TACR3: variants seen among roughly 807,000 people sequenced by gnomAD.
The protein encoded by TACR3 is neuromedin-K receptor.
In TACR3, 34 loss-of-function variants were observed where a neutral mutation model predicts 35.0. That is an observed-to-expected ratio of 0.97 (90% CI 0.74 to 1.30). The LOEUF is 1.30. TACR3 is among the 50% of genes most tolerant of loss of function. The pLI is 0.00. For missense variants in TACR3, 558 were observed against 591.7 expected (o/e 0.94, Z 0.59); for synonymous variants, 233 against 221.1 (o/e 1.05, Z -0.48).
intron 3 of TACR3, among the ~76,000 whole-genome samples, chr4:103,628,186 G>A (rs1724949964): frequency 6.6e-6 from 1 of 152,156 alleles, no homozygotes; most frequent in African/African-American, 2.4e-5. Flanking sequence ...GCCCACAAGA[G>A]AAAGCAGGAA....
chr4:103,658,462 G>C, intron 1 of TACR3, 59 bp from the exon 2 acceptor site: 2 of 1,502,490 alleles, frequency 1.3e-6, no homozygotes, highest in Non-Finnish European at 1.8e-6. Context: ...GTTTGAAATG[G>C]AGTTTCAAAG....
chr4:103,696,493 A>C (rs1722523073), intron 1 of TACR3, among the ~76,000 whole-genome samples: 1 of 152,208 alleles, frequency 6.6e-6, no homozygotes, highest in Non-Finnish European at 1.5e-5. Context: ...GCCATATAAG[A>C]TTATGCAGAG....
At chr4:103,701,988 G>A (rs1232264592) in intron 1 of TACR3, among the ~76,000 whole-genome samples, 18 of 152,174 alleles carry the variant, frequency 1.2e-4, no homozygotes, top group South Asian at 2.1e-4. Context: ...ACATAGGCAC[G>A]GGCAAGGACT....
At chr4:103,654,793 T>C (rs557216846) in intron 3 of TACR3, among the ~76,000 whole-genome samples, 2 of 152,110 alleles carry the variant, frequency 1.3e-5, no homozygotes, top group African/African-American at 2.4e-5. Context: ...CATCAGTCAT[T>C]GACTCTGATG....
intron 1 of TACR3, among the ~76,000 whole-genome samples, chr4:103,696,141 C>T (rs952858937): frequency 2.0e-4 from 31 of 152,006 alleles, no homozygotes; most frequent in African/African-American, 7.5e-4. Flanking sequence ...CTATTGATTA[C>T]CAAACTTAGG....
intron 2 of TACR3, among the ~76,000 whole-genome samples, chr4:103,657,863 A>G (rs1156385275): frequency 6.6e-6 from 1 of 152,126 alleles, no homozygotes; most frequent in Non-Finnish European, 1.5e-5. Flanking sequence ...TTCCTAAAAG[A>G]GCAATCAACA....
chr4:103,676,516 G>A (rs1196921256), intron 1 of TACR3, among the ~76,000 whole-genome samples: 2 of 152,030 alleles, frequency 1.3e-5, no homozygotes, highest in South Asian at 2.1e-4. Context: ...AACAAATATA[G>A]TGTGTTAAAA....
intron 3 of TACR3, among the ~76,000 whole-genome samples, chr4:103,642,875 C>A (rs1725385440): frequency 6.6e-6 from 1 of 151,742 alleles, no homozygotes; most frequent in South Asian, 2.1e-4. Context: ...ATACTAATTA[C>A]CCTAATTAGA....
At chr4:103,606,995 C>T (rs1234176956) in intron 3 of TACR3, among the ~76,000 whole-genome samples, 2 of 152,044 alleles carry the variant, frequency 1.3e-5, no homozygotes, top group Non-Finnish European at 2.9e-5. Context: ...AAATACATCC[C>T]ATCAATACCT....
intron 1 of TACR3, among the ~76,000 whole-genome samples, chr4:103,681,738 AAAT>A (rs1722094544): frequency 6.6e-6 from 1 of 152,100 alleles, no homozygotes; most frequent in Non-Finnish European, 1.5e-5. Flanking sequence ...TAGAAAAACT[AAAT>A]AACTCCACCA....
chr4:103,608,377 G>C (rs1240230708), intron 3 of TACR3, among the ~76,000 whole-genome samples: 5 of 152,014 alleles, frequency 3.3e-5, no homozygotes, highest in Non-Finnish European at 5.9e-5. Flanking sequence ...GGACATAAAA[G>C]TAGGAACAAT....
At chr4:103,673,673 A>G (rs1003020565) in intron 1 of TACR3, among the ~76,000 whole-genome samples, 9 of 152,182 alleles carry the variant, frequency 5.9e-5, no homozygotes, top group Non-Finnish European at 2.9e-5. Context: ...GACACATGCT[A>G]CCAGCAAAAT....
intron 1 of TACR3, among the ~76,000 whole-genome samples, chr4:103,669,805 A>AT: frequency 6.6e-6 from 1 of 150,998 alleles, no homozygotes; most frequent in African/African-American, 2.4e-5. Context: ...TGTGCAGAAG[A>AT]TTTTTTTCAT....
chr4:103,696,731 T>C (rs575278863), intron 1 of TACR3, among the ~76,000 whole-genome samples: 3 of 152,262 alleles, frequency 2.0e-5, no homozygotes, highest in Non-Finnish European at 4.4e-5. Flanking sequence ...CTTTCATAAT[T>C]CCCTCAGGCT....
At chr4:103,686,948 G>A (rs929775421) in intron 1 of TACR3, among the ~76,000 whole-genome samples, 1 of 152,106 alleles carries the variant, frequency 6.6e-6, no homozygotes, top group African/African-American at 2.4e-5. Context: ...AACCAAAAAA[G>A]AGAATTTTAG....
chr4:103,655,439 C>T (rs1009639078), intron 3 of TACR3, among the ~76,000 whole-genome samples: 10 of 151,942 alleles, frequency 6.6e-5, no homozygotes, highest in African/African-American at 2.4e-4. Context: ...TAGGTACACC[C>T]CAACTGTGGA....
chr4:103,705,672 G>A (rs746102170), intron 1 of TACR3, among the ~76,000 whole-genome samples: 8 of 152,166 alleles, frequency 5.3e-5, no homozygotes, highest in Non-Finnish European at 1.2e-4. Context: ...TAAAAGTGAC[G>A]TTTGAACTGT....
intron 1 of TACR3, among the ~76,000 whole-genome samples, chr4:103,718,387 C>T (rs980616253): frequency 1.3e-5 from 2 of 152,184 alleles, no homozygotes; most frequent in Admixed American, 6.5e-5. Flanking sequence ...TGTATTTCCA[C>T]AAATACCTAT....
intron 1 of TACR3, among the ~76,000 whole-genome samples, chr4:103,658,701 C>A (rs1208077899): frequency 1.3e-5 from 2 of 152,080 alleles, no homozygotes; most frequent in African/African-American, 4.8e-5. Context: ...AAGTGAGGAT[C>A]AACAGATGTA....
Sources: gnomAD v4.1 joint callset for allele counts (sites outside exome capture counted in the v4.1 genomes callset) on GRCh38, gnomAD v4.1.1 for gene constraint, MANE v1.5 for transcripts, NCBI Gene and HGNC (gene_info 2026-07-23, HGNC 2026-07-21) for gene names.